The following CAB39L variants were observed in gnomAD, a reference collection of about 807,000 sequenced individuals.
CAB39L encodes calcium-binding protein 39-like.
Under a neutral mutation model 39.1 loss-of-function variants are expected in CAB39L, and 23 were observed. The ratio of observed to expected loss-of-function variants is 0.59; its 90% CI spans 0.42 to 0.83. The LOEUF is 0.83. Ranked by LOEUF, CAB39L falls within the 40% of genes least tolerant of loss-of-function variation. The pLI, the probability that CAB39L is intolerant of heterozygous loss-of-function variation, is 0.00. For missense variants in CAB39L, 366 were observed against 391.9 expected (o/e 0.93, Z 0.56); for synonymous variants, 126 against 137.2 (o/e 0.92, Z 0.57).
At position 49,424,993 on chromosome 13, in the gene CAB39L, T is replaced by C. The variant is rs541611809; in HGVS notation, c.-32+8325A>G. Among the ~76,000 whole-genome samples the C allele has an allele frequency of 1.6e-4, 25 of 152,210 alleles. No individual in the cohort carries two copies. In the South Asian group the frequency reaches 5.0e-3, roughly 30 times the overall value. ...GATTGACAAAATCCACAAGAATGCA[T>C]TAAGCAGAAAACACGGCCAAAAACT... On this transcript the variant is annotated intron_variant, in intron 3 of 10. Transcript: ENST00000409308.
At chr13:49,323,660 A>G (rs1037321959) in intron 10 of CAB39L, among the ~76,000 whole-genome samples, 1 of 152,240 alleles carries the variant, frequency 6.6e-6, no homozygotes, top group African/African-American at 2.4e-5. Flanking sequence ...GGATCTAAAT[A>G]TATTCACAAG....
At chr13:49,346,058 C>CATATA (rs1955145527) in intron 7 of CAB39L, among the ~76,000 whole-genome samples, 1 of 66,414 alleles carries the variant, frequency 1.5e-5, no homozygotes, top group Non-Finnish European at 3.0e-5. Flanking sequence ...ATTCCTCCAG[C>CATATA]ATATATATAT....
chr13:49,343,317 G>A (rs777454433), intron 8 of CAB39L, among the ~76,000 whole-genome samples: 11 of 152,090 alleles, frequency 7.2e-5, no homozygotes, highest in Non-Finnish European at 1.5e-4. Context: ...TTTAAATCCC[G>A]TCAAACTCCC....
At position 49,434,241 on chromosome 13, in the gene CAB39L, A is replaced by G. The variant is rs544840616; in HGVS notation, c.-245-18T>C. On this transcript the variant is annotated intron_variant, in intron 1 of 10. Coordinates refer to ENST00000409308, the MANE Select transcript of CAB39L (RefSeq NM_001079670.3). ...TGGATATCCTGCAATAATGTAGGAA[A>G]AACAGCACAGGCTTTGGAGTCACAT... 18 of 448,172 alleles carry G rather than the reference A, an allele frequency of 4.0e-5. No homozygotes were observed. The highest frequency in any genetic ancestry group is 8.0e-5 in the Non-Finnish European group (18 of 223,876). The allele number at this position is 448,172 out of a possible 1,614,324, so 27.8% of individuals were successfully genotyped here.
chr13:49,386,993 G>A (rs1956379671), intron 3 of CAB39L, among the ~76,000 whole-genome samples: 3 of 152,152 alleles, frequency 2.0e-5, no homozygotes, highest in African/African-American at 7.2e-5. Flanking sequence ...GGTCATTTAA[G>A]CAATGAAGCA....
chr13:49,344,809 G>C (rs1480168912), intron 7 of CAB39L, among the ~76,000 whole-genome samples: 1 of 152,072 alleles, frequency 6.6e-6, no homozygotes, highest in Non-Finnish European at 1.5e-5. Context: ...TTTAAAATGG[G>C]CGCCTCGGAT....
At chr13:49,392,888 T>C (rs1458721634) in intron 3 of CAB39L, 1 of 152,074 alleles carries the variant, frequency 6.6e-6, no homozygotes, top group Non-Finnish European at 1.5e-5. Flanking sequence ...TAATAAATTA[T>C]ATCAATAAGT....
At chr13:49,368,309 G>C (rs956927972) in intron 5 of CAB39L, among the ~76,000 whole-genome samples, 1 of 152,206 alleles carries the variant, frequency 6.6e-6, no homozygotes, top group African/African-American at 2.4e-5. Flanking sequence ...AGCAGGTTCT[G>C]CTACCAGGGA....
intron 5 of CAB39L, among the ~76,000 whole-genome samples, chr13:49,375,535 C>T (rs1956032820): frequency 6.6e-6 from 1 of 151,986 alleles, no homozygotes; most frequent in Non-Finnish European, 1.5e-5. Flanking sequence ...TCTGAGCAAA[C>T]TGTCGCAAAG....
At chr13:49,345,915 A>G (rs994974209) in intron 7 of CAB39L, among the ~76,000 whole-genome samples, 21 of 151,974 alleles carry the variant, frequency 1.4e-4, no homozygotes, top group East Asian at 5.8e-4. Flanking sequence ...TGTGTCATAC[A>G]TTAGTGTTAC....
chr13:49,321,924 G>A (rs980413433), intron 10 of CAB39L, among the ~76,000 whole-genome samples: 1 of 152,150 alleles, frequency 6.6e-6, no homozygotes, highest in Non-Finnish European at 1.5e-5. Context: ...TTTGTAAAAG[G>A]AATATAGCAT....
chr13:49,331,468 A>C (rs1455697905), intron 10 of CAB39L, among the ~76,000 whole-genome samples: 2 of 151,778 alleles, frequency 1.3e-5, no homozygotes, highest in African/African-American at 2.4e-5. Flanking sequence ...TCCATCTCAA[A>C]ACAAAAAACA....
At chr13:49,353,661 A>T (rs7325632) in intron 6 of CAB39L, among the ~76,000 whole-genome samples, 92,278 of 151,804 alleles carry the variant, frequency 0.61, 28,666 homozygotes, top group African/African-American at 0.75. Context: ...TTCACACTCA[A>T]ATAACAGCTT....
At chr13:49,402,988 T>C (rs985703032) in intron 3 of CAB39L, among the ~76,000 whole-genome samples, 2 of 152,156 alleles carry the variant, frequency 1.3e-5, no homozygotes, top group Admixed American at 6.5e-5. Flanking sequence ...AGTTGTAGTA[T>C]AATTAAAGAA....
intron 10 of CAB39L, among the ~76,000 whole-genome samples, chr13:49,317,079 T>C (rs1954178826): frequency 6.6e-6 from 1 of 152,082 alleles, no homozygotes; most frequent in East Asian, 1.9e-4. Context: ...GTGTTTTCTG[T>C]TGTTTTAAGC....
At chr13:49,437,720 G>C (rs1222703744) in intron 1 of CAB39L, among the ~76,000 whole-genome samples, 1 of 152,174 alleles carries the variant, frequency 6.6e-6, no homozygotes. Context: ...CAATAAATTT[G>C]TATGGGTTTT....
At chr13:49,327,027 G>A (rs1284645777) in intron 10 of CAB39L, among the ~76,000 whole-genome samples, 3 of 151,936 alleles carry the variant, frequency 2.0e-5, no homozygotes, top group Non-Finnish European at 4.4e-5. Flanking sequence ...CTCTATTTTT[G>A]TTTCATTCTT....
intron 3 of CAB39L, among the ~76,000 whole-genome samples, chr13:49,416,364 G>A (rs80234932): frequency 0.026 from 3,996 of 152,296 alleles, 74 homozygotes; most frequent in South Asian, 0.089. Flanking sequence ...GCTAACATGT[G>A]TGCAAGTAAA....
At chr13:49,345,379 T>C (rs1198273908) in intron 7 of CAB39L, among the ~76,000 whole-genome samples, 2 of 152,192 alleles carry the variant, frequency 1.3e-5, no homozygotes, top group Non-Finnish European at 2.9e-5. Context: ...TAATTCCCTA[T>C]TGCTATCACA....
Sources: gnomAD v4.1 joint callset for allele counts (sites outside exome capture counted in the v4.1 genomes callset) on GRCh38, gnomAD v4.1.1 for gene constraint, MANE v1.5 for transcripts, NCBI Gene and HGNC (gene_info 2026-07-23, HGNC 2026-07-21) for gene names.